Variants in DSCAM observed in about 807,000 individuals in gnomAD.
The protein encoded by DSCAM is cell adhesion molecule DSCAM.
In DSCAM, 47 loss-of-function variants were observed where a neutral mutation model predicts 217.7. The ratio of observed to expected loss-of-function variants is 0.22; its 90% confidence interval spans 0.17 to 0.28. The LOEUF (loss-of-function observed/expected upper bound fraction) is 0.28, where lower values mean the gene tolerates loss of function less well. DSCAM is among the 10% of genes least tolerant of loss of function. The pLI, the probability that DSCAM is intolerant of heterozygous loss-of-function variation, is 1.00. For missense variants in DSCAM, 2,080 were observed against 2,618.3 expected (o/e 0.79, Z 4.49); for synonymous variants, 1,056 against 1,015.3 (o/e 1.04, Z -0.76).
intron 11 of DSCAM, among the ~76,000 whole-genome samples, chr21:40,211,220 A>G (rs1402987730): frequency 2.0e-5 from 3 of 152,248 alleles, no homozygotes; most frequent in Non-Finnish European, 2.9e-5. Flanking sequence ...GCTGAATAGC[A>G]GCATTCCAAA....
chr21:40,469,535 G>T (rs749866519), intron 3 of DSCAM, among the ~76,000 whole-genome samples: 1 of 152,148 alleles, frequency 6.6e-6, no homozygotes. Flanking sequence ...GGAAATGTTA[G>T]ATGTTTAAAG....
At position 40,028,625 on chromosome 21, in the gene DSCAM, G is replaced by A. The variant is rs575443278; in HGVS notation, c.5686+13746C>T. Reference sequence around the variant, plus strand: ...TGACCCGATTTTCCAGGTGCCGTCCGTCACCCCTTTCTTTGACTAGGAAAG... The same window carrying A: ...TGACCCGATTTTCCAGGTGCCGTCCATCACCCCTTTCTTTGACTAGGAAAG... On this transcript the variant is annotated intron_variant, in intron 32 of 32. Transcript: ENST00000400454. Among the ~76,000 whole-genome samples, 818 of 152,272 alleles carry A rather than the reference G, an allele frequency of 5.4e-3. 7 individuals carry two copies. Among genetic ancestry groups the A allele is most frequent in the Admixed American group, 7.8e-3 (119 of 15,296 alleles).
chr21:40,708,496 G>A lies in DSCAM; in HGVS notation c.319C>T (p.Pro107Ser). The A allele has an allele frequency of 1.3e-6, 2 of 1,514,136 alleles. No homozygotes were observed. Among genetic ancestry groups the A allele is most frequent in the South Asian group, 1.4e-5 (1 of 71,674 alleles). The allele number at this position is 1,514,136 out of a possible 1,614,324, so 93.8% of individuals were successfully genotyped here. Reference protein sequence around the residue: ...DNTYYCTAENPSGKIRSQDVH... With the variant: ...DNTYYCTAENSSGKIRSQDVH... Reference sequence around the variant, plus strand: ...TCCTGACTTCTAATTTTCCCTGAAGGATTTTCAGCTGTGCAATAATAAGTA... The same window carrying A: ...TCCTGACTTCTAATTTTCCCTGAAGAATTTTCAGCTGTGCAATAATAAGTA... Residue 107 changes from proline to serine, a missense_variant, in exon 2 of 33, where the codon CCT becomes TCT. Around this residue, in one of 5 missense-constraint regions of DSCAM, gnomAD observed 568 missense variants for 678.1 expected, o/e 0.84. Coordinates refer to ENST00000400454, the MANE Select transcript of DSCAM (RefSeq NM_001389.5).
chr21:40,253,057 C>T (rs944557126), intron 11 of DSCAM, among the ~76,000 whole-genome samples: 1 of 152,178 alleles, frequency 6.6e-6, no homozygotes, highest in Non-Finnish European at 1.5e-5. Flanking sequence ...CTGCCTTACA[C>T]ATACCTGAGC....
At chr21:40,659,308 C>T (rs1568968160) in intron 3 of DSCAM, among the ~76,000 whole-genome samples, 1 of 152,202 alleles carries the variant, frequency 6.6e-6, no homozygotes, top group African/African-American at 2.4e-5. Flanking sequence ...CAGAATCCCA[C>T]ACTTTAAAAC....
At chr21:40,718,225 C>T (rs7277688) in intron 1 of DSCAM, among the ~76,000 whole-genome samples, 12,942 of 152,202 alleles carry the variant, frequency 0.085, 645 homozygotes, top group East Asian at 0.13. Context: ...GGCACTGCCC[C>T]TGGGCCACCC....
intron 3 of DSCAM, among the ~76,000 whole-genome samples, chr21:40,499,904 C>T (rs977769091): frequency 6.6e-6 from 1 of 152,146 alleles, no homozygotes; most frequent in African/African-American, 2.4e-5. Context: ...CCTCAGCCTC[C>T]TGAGTAGCTG....
At chr21:40,501,445 C>T (rs1008816928) in intron 3 of DSCAM, among the ~76,000 whole-genome samples, 1 of 152,086 alleles carries the variant, frequency 6.6e-6, no homozygotes, top group African/African-American at 2.4e-5. Flanking sequence ...TTGAGTCCTC[C>T]ATTTTTAAAA....
intron 11 of DSCAM, among the ~76,000 whole-genome samples, chr21:40,255,483 A>G (rs1223283965): frequency 6.6e-6 from 1 of 152,234 alleles, no homozygotes; most frequent in Non-Finnish European, 1.5e-5. Context: ...TAAATATGTT[A>G]CTGTACACAG....
At chr21:40,232,031 T>G (rs2837519) in intron 11 of DSCAM, among the ~76,000 whole-genome samples, 72,228 of 152,002 alleles carry the variant, frequency 0.48, 17,804 homozygotes, top group African/African-American at 0.61. Context: ...TTCCCATATA[T>G]CTACTTGAAA....
intron 20 of DSCAM, among the ~76,000 whole-genome samples, chr21:40,117,731 C>CT (rs2089988369): frequency 6.6e-6 from 1 of 152,092 alleles, no homozygotes; most frequent in South Asian, 2.1e-4. Flanking sequence ...TGTGCGAGTA[C>CT]TTTCGTGGCG....
chr21:40,087,407 A>C (rs2089547453), intron 21 of DSCAM, 120 bp from the exon 22 acceptor site: 1 of 716,008 alleles, frequency 1.4e-6, no homozygotes, highest in African/African-American at 1.7e-5. Context: ...TTCACATTAC[A>C]ACTGTCAACA....
chr21:40,767,024 A>G (rs867478058), intron 1 of DSCAM, among the ~76,000 whole-genome samples: 1 of 152,174 alleles, frequency 6.6e-6, no homozygotes, highest in Non-Finnish European at 1.5e-5. Flanking sequence ...TTGTTTTAAA[A>G]GAAGGGTACT....
intron 8 of DSCAM, among the ~76,000 whole-genome samples, chr21:40,319,597 T>C (rs1168666649): frequency 1.3e-5 from 2 of 152,184 alleles, no homozygotes; most frequent in African/African-American, 4.8e-5. Flanking sequence ...CCTCTGGATA[T>C]ACACCCAGTA....
At chr21:40,505,752 G>A (rs909345776) in intron 3 of DSCAM, among the ~76,000 whole-genome samples, 3 of 152,126 alleles carry the variant, frequency 2.0e-5, no homozygotes, top group African/African-American at 4.8e-5. Context: ...GGCTCATCAC[G>A]TAAAATCACT....
intron 14 of DSCAM, among the ~76,000 whole-genome samples, chr21:40,180,920 G>A (rs748524054): frequency 2.0e-5 from 3 of 152,002 alleles, no homozygotes; most frequent in Non-Finnish European, 4.4e-5. Flanking sequence ...TGCCCTATAG[G>A]TTCCTTTAGC....
At position 40,624,475 on chromosome 21, in the gene DSCAM, G is replaced by A. The variant is rs1302360319; in HGVS notation, c.508+68335C>T. Reference sequence around the variant, plus strand: ...TGGCCAGGCCCTTAGAACAGAGGCAGGGATTACCAAAGTAGGAAAACAGAG... The same window carrying A: ...TGGCCAGGCCCTTAGAACAGAGGCAAGGATTACCAAAGTAGGAAAACAGAG... On this transcript the variant is annotated intron_variant, in intron 3 of 32. Coordinates refer to ENST00000400454, the MANE Select transcript of DSCAM (RefSeq NM_001389.5). Among the ~76,000 whole-genome samples, 3 of 152,306 alleles carry A rather than the reference G, an allele frequency of 2.0e-5. No homozygotes were observed. In the East Asian group the frequency reaches 5.8e-4, roughly 29 times the overall value.
intron 2 of DSCAM, among the ~76,000 whole-genome samples, chr21:40,702,993 T>C (rs1451889017): frequency 1.3e-5 from 2 of 152,230 alleles, no homozygotes; most frequent in African/African-American, 2.4e-5. Flanking sequence ...TTACTATTTT[T>C]GTCTAAATAG....
intron 3 of DSCAM, among the ~76,000 whole-genome samples, chr21:40,642,670 C>T (rs1246663485): frequency 6.6e-6 from 1 of 152,178 alleles, no homozygotes; most frequent in East Asian, 1.9e-4. Context: ...GCAACCTTCA[C>T]CTCCCAGGCT....
Sources: gnomAD v4.1 joint callset for allele counts (sites outside exome capture counted in the v4.1 genomes callset) on GRCh38, gnomAD v4.1.1 for gene constraint, gnomAD v4.1.1 regional missense constraint, MANE v1.5 for transcripts, NCBI Gene and HGNC (gene_info 2026-07-23, HGNC 2026-07-21) for gene names.